Variants in NLRP14 observed in about 807,000 individuals in gnomAD.
NLRP14 encodes NACHT, LRR and PYD domains-containing protein 14.
In NLRP14, 105 loss-of-function variants were observed where a neutral mutation model predicts 94.7. The observed-to-expected ratio is 1.11, with a 90% confidence interval of 0.95 to 1.30. The LOEUF (loss-of-function observed/expected upper bound fraction) is 1.30, where lower values mean the gene tolerates loss of function less well. Among genes scored for constraint, NLRP14 ranks in the 50% most tolerant of loss-of-function variants. NLRP14 has a pLI of 0.00. For missense variants in NLRP14, 1,362 were observed against 1,254.1 expected (o/e 1.09, Z -1.30); for synonymous variants, 508 against 459.9 (o/e 1.10, Z -1.34).
At chr11:7,031,170 T>G (rs2119569819) in intron 1 of NLRP14, among the ~76,000 whole-genome samples, 1 of 152,344 alleles carries the variant, frequency 6.6e-6, no homozygotes, top group South Asian at 2.1e-4. Context: ...CCTGTCCTTC[T>G]GAGGCCTGGC....
rs1202573355 is a variant in NLRP14, at chr11:7,043,596, C to T, written c.1570C>T (p.His524Tyr). 1 of 1,614,066 alleles carries T rather than the reference C, an allele frequency of 6.2e-7. No homozygotes were observed. The highest frequency in any genetic ancestry group is 1.3e-5 in the African/African-American group (1 of 74,934). The stretch of plus-strand genomic sequence containing the variant: ...TCAAAGCACAAGTTATAAAGACCCC[C>T]ATTTGACACAGATGAAGTGCTTTTT... ...LLQSTSYKDP[H>Y]LTQMKCFLFG... The change falls in exon 4 of 12, where the codon CAT (histidine) becomes TAT (tyrosine). Residue 524 changes from histidine to tyrosine, a missense_variant. His to Tyr is a moderately conservative substitution (Grantham distance 83). Transcript: ENST00000299481.
chr11:7,040,047 G>A (rs1565014979), intron 3 of NLRP14, among the ~76,000 whole-genome samples: 1 of 152,166 alleles, frequency 6.6e-6, no homozygotes, highest in East Asian at 1.9e-4. Context: ...GTATATTAAT[G>A]TTTATATTTT....
At chr11:7,080,015 G>A in the NLRP14 span, among the ~76,000 whole-genome samples, 1 of 152,212 alleles carries the variant, frequency 6.6e-6, no homozygotes, top group Non-Finnish European at 1.5e-5. Flanking sequence ...GGACTGGCGG[G>A]AAGGTTGTTT....
intron 11 of NLRP14, 137 bp downstream of exon 11, chr11:7,070,593 C>G: frequency 1.5e-6 from 1 of 648,118 alleles, no homozygotes; most frequent in East Asian, 2.7e-5. Context: ...GTTTTTCTGT[C>G]ATAGAACACT....
downstream of NLRP14, among the ~76,000 whole-genome samples, chr11:7,074,840 T>C (rs1852854858): frequency 6.6e-6 from 1 of 152,192 alleles, no homozygotes; most frequent in Non-Finnish European, 1.5e-5. Context: ...AGGGGACGTG[T>C]CAGTGAAATT....
In NLRP14 at chr11:7,043,450, G is replaced by A. The variant is rs765682489; in HGVS notation, c.1424G>A (p.Cys475Tyr). 6.8e-6 allele frequency: 11 copies of A among 1,614,148 alleles called. No homozygotes were observed. The Admixed American group carries it at 8.3e-5, about 12-fold the overall frequency. ...IIQKDAEYEN[C>Y]YVFTHLHVQE... is the part of the protein sequence containing the mutation. The stretch of plus-strand genomic sequence containing the variant: ...CAGAAGGACGCAGAGTATGAAAACT[G>A]CTATGTGTTCACCCACCTTCATGTT... Residue 475 changes from cysteine (C) to tyrosine (Y), a missense_variant, in exon 4 of 12, where the codon TGC becomes TAC. By Grantham distance (194) the Cys-to-Tyr change is radical (BLOSUM62 -2). Coordinates refer to ENST00000299481, the MANE Select transcript of NLRP14 (RefSeq NM_176822.4).
At position 7,026,836 on chromosome 11, in the gene NLRP14, A is replaced by G. The variant is rs534896703; in HGVS notation, c.-22+6066A>G. ...GGGGGTAGGGGGAGGGGGGAGGGAT[A>G]GCTTTAGGAGATATACCTAATGCTA... On this transcript the variant is annotated intron_variant, in intron 1 of 11. Coordinates refer to ENST00000299481, the MANE Select transcript of NLRP14 (RefSeq NM_176822.4). Among the ~76,000 whole-genome samples the G allele has an allele frequency of 2.7e-5, 4 of 150,628 alleles. No individual in the cohort carries two copies. The South Asian group carries it at 8.5e-4, about 32-fold the overall frequency.
intron 1 of NLRP14, among the ~76,000 whole-genome samples, chr11:7,021,096 C>T (rs1225495082): frequency 1.3e-5 from 2 of 152,152 alleles, no homozygotes; most frequent in Admixed American, 1.3e-4. Flanking sequence ...AGGCAAGGAA[C>T]TTTTGGTAGG....
At chr11:7,026,861 A>G (rs146480276) in intron 1 of NLRP14, among the ~76,000 whole-genome samples, 6,274 of 151,818 alleles carry the variant, frequency 0.041, 173 homozygotes, top group Non-Finnish European at 0.06. Context: ...ACCTAATGCT[A>G]AATGGTGAGT....
At chr11:7,035,999 C>G (rs539380827) in intron 1 of NLRP14, among the ~76,000 whole-genome samples, 1 of 152,088 alleles carries the variant, frequency 6.6e-6, no homozygotes, top group Non-Finnish European at 1.5e-5. Context: ...TCTGAGACTC[C>G]GTATCTATAA....
chr11:7,066,658 G>A (rs1852711090), intron 10 of NLRP14, among the ~76,000 whole-genome samples: 1 of 152,156 alleles, frequency 6.6e-6, no homozygotes, highest in Admixed American at 6.5e-5. Flanking sequence ...TCACTCTGAT[G>A]ACAGTTTCTT....
chr11:7,090,003 G>A, the NLRP14 span: 2 of 1,613,106 alleles, frequency 1.2e-6, no homozygotes, highest in Non-Finnish European at 8.5e-7. Flanking sequence ...CGCCGCCCCA[G>A]GACGGGGGAC....
At chr11:7,029,756 T>C (rs1029641897) in intron 1 of NLRP14, among the ~76,000 whole-genome samples, 2 of 152,244 alleles carry the variant, frequency 1.3e-5, no homozygotes, top group Non-Finnish European at 2.9e-5. Flanking sequence ...CAATTTAATA[T>C]AGTATGTTGT....
chr11:7,081,161 G>A, the NLRP14 span, among the ~76,000 whole-genome samples: 4 of 152,202 alleles, frequency 2.6e-5, no homozygotes, highest in African/African-American at 9.6e-5. Flanking sequence ...GCTGACCTTA[G>A]CCATTAGGCT....
the NLRP14 span, among the ~76,000 whole-genome samples, chr11:7,082,028 A>T: frequency 6.6e-6 from 1 of 152,158 alleles, no homozygotes; most frequent in East Asian, 1.9e-4. Flanking sequence ...GGCATGGTCA[A>T]AGGGGCTCTT....
chr11:7,081,889 G>T, the NLRP14 span, among the ~76,000 whole-genome samples: 4 of 152,154 alleles, frequency 2.6e-5, no homozygotes, highest in African/African-American at 9.7e-5. Flanking sequence ...CCTGTCTCTG[G>T]AAGTCAGGGT....
chr11:7,068,871 C>T (rs1852748081), intron 10 of NLRP14, among the ~76,000 whole-genome samples: 2 of 152,108 alleles, frequency 1.3e-5, no homozygotes, highest in Non-Finnish European at 1.5e-5. Flanking sequence ...CCAAGCTGGT[C>T]TTGAATTCCT....
At chr11:7,088,852 C>T in the NLRP14 span, among the ~76,000 whole-genome samples, 3 of 152,162 alleles carry the variant, frequency 2.0e-5, no homozygotes, top group Non-Finnish European at 4.4e-5. Context: ...CCGTTAAGAC[C>T]GGGTCAGGTG....
chr11:7,026,957 A>T (rs1003048605), intron 1 of NLRP14, among the ~76,000 whole-genome samples: 3 of 151,248 alleles, frequency 2.0e-5, no homozygotes, highest in Non-Finnish European at 4.4e-5. Context: ...AACTTAAAGT[A>T]TAATAATAAT....
Sources: allele counts gnomAD v4.1 joint callset (sites outside exome capture counted in the v4.1 genomes callset), GRCh38; gene constraint gnomAD v4.1.1; transcripts MANE v1.5; gene names NCBI Gene and HGNC (gene_info 2026-07-23, HGNC 2026-07-21).